The following FANCA variants were observed in gnomAD, a reference collection of about 807,000 sequenced individuals.
The protein encoded by FANCA is FA complementation group A, also known as Fanconi anemia group A protein.
A neutral mutation model predicts 194.3 loss-of-function variants in FANCA; 236 were observed. The ratio of observed to expected loss-of-function variants is 1.21; its 90% CI spans 1.09 to 1.35. The LOEUF is 1.35. FANCA is among the 40% of genes most tolerant of loss of function. FANCA has a pLI of 0.00. For synonymous variants in FANCA, 1,014 were observed against 715.8 expected (o/e 1.42, Z -6.65); for missense variants, 2,628 against 1,813.9 (o/e 1.45, Z -8.15).
intron 23 of FANCA, among the ~76,000 whole-genome samples, chr16:89,771,405 G>A (rs1449044946): frequency 6.6e-6 from 1 of 151,422 alleles, no homozygotes; most frequent in Non-Finnish European, 1.5e-5. Context: ...GCTGTAGTGA[G>A]CCATGATTGC....
Position 89,739,975 on chromosome 16 carries a change from T to C in FANCA, c.3934+19A>G. 6.2e-7 allele frequency: 1 copy of C among 1,613,386 alleles called. No individual in the cohort carries two copies. The highest frequency in any genetic ancestry group is 8.5e-7 in the Non-Finnish European group (1 of 1,179,312). ...AAGAGCGGCCCTCCGCATTTGTGCCTCAGCAGCGTGTTTCTTACCACTCTC... is the reference window on the plus strand; with the variant it reads ...AAGAGCGGCCCTCCGCATTTGTGCCCCAGCAGCGTGTTTCTTACCACTCTC... On this transcript the variant is annotated intron_variant, in intron 39 of 42. Transcript: ENST00000389301.
At chr16:89,795,718 T>C (rs1231264290) in intron 11 of FANCA, among the ~76,000 whole-genome samples, 188 bp downstream of exon 11, 1 of 152,228 alleles carries the variant, frequency 6.6e-6, no homozygotes, top group Non-Finnish European at 1.5e-5. Flanking sequence ...CTTATAAAAA[T>C]CTGTTGCTTT....
chr16:89,815,704 C>T (rs997037614), intron 2 of FANCA, among the ~76,000 whole-genome samples, 173 bp downstream of exon 2: 3 of 152,060 alleles, frequency 2.0e-5, no homozygotes, highest in Admixed American at 6.6e-5. Context: ...GGCGGGGTCT[C>T]ACCCCGTTGC....
Position 89,792,518 on chromosome 16 carries a change from A to G in FANCA, c.1036T>C (p.Trp346Arg). ...ASDAVQMQRE[W>R]SFARTHPLLT... Reference sequence around the variant, plus strand: ...AGAGGGTGTGTCCGCGCAAAGCTCCACTCTCTCTGCATCTGAACAGCATCA... The same window carrying G: ...AGAGGGTGTGTCCGCGCAAAGCTCCGCTCTCTCTGCATCTGAACAGCATCA... Residue 346 changes from tryptophan (W) to arginine (R), a missense_variant, in exon 12 of 43, where the codon TGG (tryptophan) becomes CGG (arginine). Physicochemically the swap from Trp to Arg is moderately radical, Grantham distance 101. Coordinates refer to ENST00000389301, the MANE Select transcript of FANCA (RefSeq NM_000135.4). 1 of 1,613,356 alleles carries G rather than the reference A, an allele frequency of 6.2e-7. No individual in the cohort carries two copies. Among genetic ancestry groups the G allele is most frequent in the Non-Finnish European group, 8.5e-7 (1 of 1,179,992 alleles).
At chr16:89,742,459 C>A (rs1317610138) in intron 37 of FANCA, among the ~76,000 whole-genome samples, 2 of 152,062 alleles carry the variant, frequency 1.3e-5, no homozygotes, top group African/African-American at 4.8e-5. Context: ...CAACTACATA[C>A]AACCATTTAA....
intron 14 of FANCA, chr16:89,790,997 T>G: frequency 7.8e-6 from 2 of 256,956 alleles, no homozygotes; most frequent in South Asian, 9.0e-5. Context: ...ACCTGCGTAG[T>G]TTTTGTTTTG....
chr16:89,744,819 C>T (rs1226685512), intron 36 of FANCA, 140 bp downstream of exon 36: 5 of 797,068 alleles, frequency 6.3e-6, no homozygotes, highest in Non-Finnish European at 1.1e-5. Context: ...ACCACGAGAA[C>T]TCGGTTCTTT....
intron 26 of FANCA, among the ~76,000 whole-genome samples, chr16:89,767,862 T>C (rs76075456): frequency 0.06 from 9,108 of 152,258 alleles, 419 homozygotes; most frequent in East Asian, 0.22. Context: ...TTTTAATTTT[T>C]TTTAGTAGAG....
chr16:89,782,844 C>T lies in FANCA; in HGVS notation c.1626+15G>A. The T allele has an allele frequency of 6.2e-7, 1 of 1,611,728 alleles. No homozygotes were observed. The highest frequency in any genetic ancestry group is 8.5e-7 in the Non-Finnish European group (1 of 1,177,860). On this transcript the variant is annotated intron_variant, in intron 17 of 42. Transcript: ENST00000389301. ...CGTGACTGGCTGAGACCCTGCAGGGCTCAAGCAACATTACCTCAGTAATGT... is the reference window on the plus strand; with the variant it reads ...CGTGACTGGCTGAGACCCTGCAGGGTTCAAGCAACATTACCTCAGTAATGT...
At chr16:89,779,838 TG>T in intron 18 of FANCA, 30 bp downstream of exon 18, 2 of 1,594,998 alleles carry the variant, frequency 1.3e-6, no homozygotes, top group Non-Finnish European at 1.7e-6. Flanking sequence ...ACACTGCAGC[TG>T]CTAGAGGCCT....
chr16:89,809,226 G>A lies in FANCA; in HGVS notation c.523-859C>T, dbSNP rs114880751. Reference sequence around the variant, plus strand: ...CGGCCCCTAACTCGCACTCTTCACAGTCCGTGCAGGAAGGCTTTCCTAACT... The same window carrying A: ...CGGCCCCTAACTCGCACTCTTCACAATCCGTGCAGGAAGGCTTTCCTAACT... On this transcript the variant is annotated intron_variant, in intron 5 of 42. Coordinates refer to ENST00000389301, the MANE Select transcript of FANCA (RefSeq NM_000135.4). Among the ~76,000 whole-genome samples, 154 of 152,032 alleles carry A rather than the reference G, an allele frequency of 1.0e-3. 1 individual carries two copies. Among genetic ancestry groups the A allele is most frequent in the African/African-American group, 3.5e-3 (144 of 41,496 alleles).
At chr16:89,742,676 AGTC>A (rs1567598078) in intron 37 of FANCA, 121 bp downstream of exon 37, 7 of 756,102 alleles carry the variant, frequency 9.3e-6, no homozygotes, top group African/African-American at 1.9e-5. Flanking sequence ...AAAAAAAAAA[AGTC>A]TTGCTCCAAG....
chr16:89,760,287 C>G (rs942668075), intron 29 of FANCA, among the ~76,000 whole-genome samples: 3 of 152,246 alleles, frequency 2.0e-5, no homozygotes, highest in African/African-American at 7.2e-5. Flanking sequence ...CCTGAACCAT[C>G]AGCACGTGTT....
chr16:89,792,716 CG>C, intron 11 of FANCA, 169 bp from the exon 12 acceptor site: 1 of 602,838 alleles, frequency 1.7e-6, no homozygotes, highest in Non-Finnish European at 3.1e-6. Flanking sequence ...CAGCTGGGCC[CG>C]GGGGACCACT....
At position 89,740,723 on chromosome 16, in the gene FANCA, C is replaced by A. The variant is rs11649162; in HGVS notation, c.3828+81G>T. 84,933 of 1,226,826 alleles carry A rather than the reference C, an allele frequency of 0.069. 3,655 individuals carry two copies. Among genetic ancestry groups the A allele is most frequent in the East Asian group, 0.16 (6,445 of 41,258 alleles). 76.0% of individuals were successfully genotyped at this position (1,226,826 alleles called of 1,614,324 possible). On this transcript the variant is annotated intron_variant, in intron 38 of 42. Coordinates refer to ENST00000389301, the MANE Select transcript of FANCA (RefSeq NM_000135.4). ...GAGCTCCTGAGCTAGTCTGGAAACC[C>A]TGACTTGGAAGCTGGCTGCCTGGTG...
Position 89,738,980 on chromosome 16 carries a change from G to A in FANCA, c.4168-6C>T, listed in dbSNP as rs760223551. The A allele has an allele frequency of 2.5e-6, 4 of 1,614,242 alleles. No individual in the cohort carries two copies. The South Asian group carries it at 3.3e-5, about 13-fold the overall frequency. ...ATCAGTTCCACGGGGTTGCCCTAGAGAGAAAACAGGCAAACTCACAGGTTA... is the reference window on the plus strand; with the variant it reads ...ATCAGTTCCACGGGGTTGCCCTAGAAAGAAAACAGGCAAACTCACAGGTTA... On this transcript the variant is annotated splice_polypyrimidine_tract_variant and splice_region_variant and intron_variant, in intron 41 of 42. Transcript: ENST00000389301.
chr16:89,746,437 CT>C, intron 35 of FANCA, 146 bp downstream of exon 35: 1 of 725,354 alleles, frequency 1.4e-6, no homozygotes. Flanking sequence ...GAGCTGGCAT[CT>C]TTAACTGTGG....
intron 11 of FANCA, among the ~76,000 whole-genome samples, chr16:89,794,837 T>C (rs553030068): frequency 1.2e-4 from 18 of 152,338 alleles, no homozygotes; most frequent in Admixed American, 2.0e-4. Flanking sequence ...GGGCAGACGA[T>C]GCCTGGGCCA....
At chr16:89,785,115 G>A (rs1243997116) in intron 14 of FANCA, 151 bp from the exon 15 acceptor site, 2 of 711,154 alleles carry the variant, frequency 2.8e-6, no homozygotes, top group Admixed American at 4.0e-5. Flanking sequence ...AGAAGAGTGT[G>A]AAGCCCACCT....
Sources: allele counts gnomAD v4.1 joint callset (sites outside exome capture counted in the v4.1 genomes callset), GRCh38; gene constraint gnomAD v4.1.1; transcripts MANE v1.5; gene names NCBI Gene and HGNC (gene_info 2026-07-23, HGNC 2026-07-21).